Variants in CPVL observed in about 807,000 individuals in gnomAD.
CPVL encodes the protein probable serine carboxypeptidase CPVL.
CPVL carries 51 observed loss-of-function variants against 63.7 expected under a neutral mutation model. The observed-to-expected ratio is 0.80, with a 90% CI of 0.64 to 1.01. CPVL has a LOEUF of 1.01. Ranked by LOEUF, CPVL falls within the 50% of genes least tolerant of loss-of-function variation. CPVL has a pLI of 0.00. For synonymous variants in CPVL, 195 were observed against 206.0 expected (o/e 0.95, Z 0.46); for missense variants, 530 against 573.1 (o/e 0.92, Z 0.77).
At chr7:29,037,085 A>C (rs1788601560) in intron 11 of CPVL, among the ~76,000 whole-genome samples, 2 of 152,206 alleles carry the variant, frequency 1.3e-5, no homozygotes, top group South Asian at 4.1e-4. Flanking sequence ...TTCCACAAGC[A>C]AGTGGCAAAC....
intron 5 of CPVL, among the ~76,000 whole-genome samples, chr7:29,155,246 T>C (rs1332180806): frequency 1.3e-5 from 2 of 152,054 alleles, no homozygotes; most frequent in Non-Finnish European, 2.9e-5. Flanking sequence ...TAAACTTGGG[T>C]TGCACCATTT....
chr7:29,064,848 T>C lies in CPVL; in HGVS notation c.964-614A>G, dbSNP rs565816510. 1.3e-4 allele frequency among the ~76,000 whole-genome samples: 19 copies of C among 150,326 alleles called. No homozygotes were observed. In the South Asian group the frequency reaches 4.0e-3, roughly 32 times the overall value. ...TGTGATGTTCCCCATCCTGTGTCCATGTGTATACATATGTAACAAACCTGC... is the reference window on the plus strand; with the variant it reads ...TGTGATGTTCCCCATCCTGTGTCCACGTGTATACATATGTAACAAACCTGC... On this transcript the variant is annotated intron_variant, in intron 10 of 12. Transcript: ENST00000265394.
chr7:29,080,084 G>A (rs1784557371), intron 7 of CPVL, among the ~76,000 whole-genome samples: 1 of 152,098 alleles, frequency 6.6e-6, no homozygotes, highest in Non-Finnish European at 1.5e-5. Flanking sequence ...CCCAGGGCCT[G>A]GGACATAGTA....
chr7:29,082,837 TG>T (rs1334923701), intron 7 of CPVL, among the ~76,000 whole-genome samples: 1 of 152,246 alleles, frequency 6.6e-6, no homozygotes, highest in Non-Finnish European at 1.5e-5. Flanking sequence ...CCAAACATCA[TG>T]GTTTGTATCA....
chr7:29,092,192 T>A (rs950726030), intron 6 of CPVL, among the ~76,000 whole-genome samples: 11 of 151,958 alleles, frequency 7.2e-5, no homozygotes, highest in African/African-American at 2.7e-4. Context: ...TTTTTTTTTT[T>A]TTTTAAGCAA....
intron 6 of CPVL, among the ~76,000 whole-genome samples, chr7:29,090,417 TG>T (rs1449849762): frequency 3.3e-5 from 5 of 152,250 alleles, no homozygotes; most frequent in African/African-American, 9.6e-5. Context: ...CTAGCTGCAT[TG>T]CTATGAAGCT....
intron 10 of CPVL, 31 bp downstream of exon 10, chr7:29,065,992 A>G: frequency 7.3e-7 from 1 of 1,364,668 alleles, no homozygotes; most frequent in Non-Finnish European, 1.0e-6. Context: ...GTTTTAAGCA[A>G]ACATTATTAT....
At chr7:29,156,400 C>T (rs1794377830) in intron 5 of CPVL, among the ~76,000 whole-genome samples, 1 of 152,142 alleles carries the variant, frequency 6.6e-6, no homozygotes, top group Admixed American at 6.5e-5. Context: ...AAATCTGAGG[C>T]ACTGTACCAT....
At chr7:29,065,946 A>G (rs1472479532) in intron 10 of CPVL, 77 bp downstream of exon 10, 31 of 795,862 alleles carry the variant, frequency 3.9e-5, no homozygotes, top group Non-Finnish European at 5.5e-5. Context: ...CATCTATAAT[A>G]TTTCCCAAAT....
chr7:29,148,125 A>T (rs1251209100), upstream of CPVL, among the ~76,000 whole-genome samples: 1 of 152,176 alleles, frequency 6.6e-6, no homozygotes, highest in East Asian at 1.9e-4. Flanking sequence ...TTAGCAGATA[A>T]CACTGCTGCT....
chr7:29,134,087 G>A (rs546192591), intron 1 of CPVL, among the ~76,000 whole-genome samples: 1 of 152,308 alleles, frequency 6.6e-6, no homozygotes, highest in South Asian at 2.1e-4. Context: ...AACAGTGAAA[G>A]TTGGGGAAGA....
At chr7:29,151,470 A>T (rs1166618563), upstream of CPVL, among the ~76,000 whole-genome samples, 3 of 152,200 alleles carry the variant, frequency 2.0e-5, no homozygotes, top group Admixed American at 6.5e-5. Flanking sequence ...AGGATAAATT[A>T]TGGGATTAAT....
At chr7:29,168,695 G>A (rs1796225312) in intron 5 of CPVL, among the ~76,000 whole-genome samples, 1 of 152,146 alleles carries the variant, frequency 6.6e-6, no homozygotes, top group South Asian at 2.1e-4. Context: ...AGGCTTCCAG[G>A]GAGAGTTTGT....
intron 12 of CPVL, among the ~76,000 whole-genome samples, chr7:29,008,450 G>GA (rs1785439714): frequency 6.6e-6 from 1 of 152,026 alleles, no homozygotes; most frequent in Non-Finnish European, 1.5e-5. Flanking sequence ...ATTGGAAAAG[G>GA]AAAAAACGTT....
At chr7:29,167,990 G>A (rs1796136015) in intron 5 of CPVL, among the ~76,000 whole-genome samples, 1 of 152,202 alleles carries the variant, frequency 6.6e-6, no homozygotes, top group Non-Finnish European at 1.5e-5. Context: ...ATAATGAACA[G>A]ATGACTGACC....
chr7:29,164,924 A>G (rs1293854442), intron 5 of CPVL, among the ~76,000 whole-genome samples: 5 of 152,166 alleles, frequency 3.3e-5, no homozygotes. Flanking sequence ...CATTATGATA[A>G]TACCACACTG....
chr7:28,995,000 AT>A (rs935143557), downstream of CPVL, among the ~76,000 whole-genome samples: 11 of 150,908 alleles, frequency 7.3e-5, no homozygotes, highest in Non-Finnish European at 8.9e-5. Context: ...GCTTATCTTA[AT>A]TTTTTTTGAT....
chr7:29,076,451 G>A (rs1784255977), intron 7 of CPVL, among the ~76,000 whole-genome samples: 1 of 152,200 alleles, frequency 6.6e-6, no homozygotes, highest in African/African-American at 2.4e-5. Flanking sequence ...AAGAGGAAAA[G>A]TGTGGCCAGA....
chr7:29,146,593 AC>A, upstream of CPVL: 1 of 1,550,272 alleles, frequency 6.5e-7, no homozygotes. Context: ...CATGACCCAG[AC>A]CCACAGGGCA....
Sources: allele counts gnomAD v4.1 joint callset (sites outside exome capture counted in the v4.1 genomes callset), GRCh38; gene constraint gnomAD v4.1.1; transcripts MANE v1.5; gene names NCBI Gene and HGNC (gene_info 2026-07-23, HGNC 2026-07-21).